Variants in PDE8B observed in about 807,000 individuals in gnomAD.
PDE8B encodes phosphodiesterase 8B, also known as high affinity cAMP-specific and IBMX-insensitive 3',5'-cyclic phosphodiesterase 8B.
In PDE8B, 26 loss-of-function variants were observed where a neutral mutation model predicts 101.3. The observed-to-expected ratio is 0.26, with a 90% CI of 0.19 to 0.36. The LOEUF is 0.36. Among genes scored for constraint, PDE8B ranks in the 10% least tolerant of loss-of-function variants. The pLI, the probability that PDE8B is intolerant of heterozygous loss-of-function variation, is 1.00. For missense variants in PDE8B, 810 were observed against 1,163.1 expected, an observed-to-expected ratio of 0.70 and a Z score of 4.42; for synonymous variants, 424 against 429.3, an observed-to-expected ratio of 0.99 and a Z score of 0.15.
intron 1 of PDE8B, among the ~76,000 whole-genome samples, chr5:77,303,620 T>C (rs1336596126): frequency 1.3e-5 from 2 of 152,104 alleles, no homozygotes; most frequent in Admixed American, 1.3e-4. Flanking sequence ...CACAATATAG[T>C]TGAAGCCCCG....
At chr5:77,358,619 C>A (rs755814739) in intron 10 of PDE8B, among the ~76,000 whole-genome samples, 1 of 152,230 alleles carries the variant, frequency 6.6e-6, no homozygotes, top group Non-Finnish European at 1.5e-5. Flanking sequence ...TCTGTCTTAT[C>A]CCGAATTCTT....
intron 21 of PDE8B, 84 bp downstream of exon 21, chr5:77,425,980 G>C: frequency 7.3e-7 from 1 of 1,372,806 alleles, no homozygotes; most frequent in Non-Finnish European, 1.0e-6. Flanking sequence ...TGAGCCTAAA[G>C]GTAAACAAAA....
chr5:77,408,089 GGTCA>G (rs1793840000), intron 13 of PDE8B, among the ~76,000 whole-genome samples: 1 of 152,202 alleles, frequency 6.6e-6, no homozygotes, highest in Non-Finnish European at 1.5e-5. Context: ...CAAGAGAACA[GGTCA>G]GTTAGGGGGC....
intron 1 of PDE8B, chr5:77,291,365 A>G (rs965447287): frequency 1.9e-4 from 301 of 1,612,008 alleles, no homozygotes; most frequent in Non-Finnish European, 9.5e-5. Flanking sequence ...AAGGTAGCAC[A>G]GTGGTCTATG....
intron 18 of PDE8B, among the ~76,000 whole-genome samples, chr5:77,418,917 C>T (rs541744040): frequency 1.1e-4 from 17 of 152,290 alleles, no homozygotes; most frequent in Admixed American, 1.0e-3. Context: ...AGCAGGTCCT[C>T]TTGCCTCCCA....
intron 10 of PDE8B, among the ~76,000 whole-genome samples, chr5:77,378,049 C>T (rs34465374): frequency 0.29 from 42,450 of 148,398 alleles, 6,234 homozygotes; most frequent in Middle Eastern, 0.37. Context: ...CACACACACA[C>T]CCCCTGTTGG....
Position 77,426,563 on chromosome 5 carries a change from C to G in PDE8B, c.*9C>G. 1.4e-6 allele frequency: 2 copies of G among 1,457,840 alleles called. No homozygotes were observed. The highest frequency in any genetic ancestry group is 1.9e-6 in the Non-Finnish European group (2 of 1,037,876). The allele number at this position is 1,457,840 out of a possible 1,614,324, so 90.3% of individuals were successfully genotyped here. On this transcript the variant is annotated 3_prime_UTR_variant, in exon 22 of 22. Transcript: ENST00000264917. ...TTCCATCTGACAGCTAAAGCCAAGC[C>G]ACAGAGGGGGCCTCTTGACCGACAA...
chr5:77,172,478 C>G, the PDE8B span, among the ~76,000 whole-genome samples: 1 of 152,194 alleles, frequency 6.6e-6, no homozygotes, highest in Non-Finnish European at 1.5e-5. Flanking sequence ...AGCTTCTAAG[C>G]ACTTCTCAGG....
At chr5:77,331,618 G>A (rs547953269) in intron 5 of PDE8B, 159 bp downstream of exon 5, 4 of 710,994 alleles carry the variant, frequency 5.6e-6, no homozygotes, top group South Asian at 1.5e-5. Context: ...GGAAAGTAAC[G>A]AGCAGCTGCC....
At chr5:77,348,378 G>C (rs1030088408) in intron 7 of PDE8B, among the ~76,000 whole-genome samples, 3 of 152,168 alleles carry the variant, frequency 2.0e-5, no homozygotes, top group Non-Finnish European at 2.9e-5. Flanking sequence ...GGACCTGGGA[G>C]TCATCTAGGG....
chr5:77,262,816 A>T (rs1760903220), intron 1 of PDE8B, among the ~76,000 whole-genome samples: 1 of 152,196 alleles, frequency 6.6e-6, no homozygotes, highest in South Asian at 2.1e-4. Context: ...TCTGTGAACC[A>T]CATGACCTGA....
chr5:77,119,488 C>G, the PDE8B span: 1 of 151,800 alleles, frequency 6.6e-6, no homozygotes, highest in Admixed American at 6.6e-5. Flanking sequence ...GAAACCCCGT[C>G]TCTACTAAAA....
chr5:77,095,309 G>C, the PDE8B span, among the ~76,000 whole-genome samples: 495 of 152,274 alleles, frequency 3.3e-3, 26 homozygotes, highest in East Asian at 0.081. Context: ...CTTTGGTCTT[G>C]ACTGGTCTGC....
chr5:77,159,475 C>T, the PDE8B span, among the ~76,000 whole-genome samples: 1 of 152,118 alleles, frequency 6.6e-6, no homozygotes, highest in East Asian at 1.9e-4. Context: ...CCTTAGACTC[C>T]AAGTTCTTCA....
intron 10 of PDE8B, among the ~76,000 whole-genome samples, chr5:77,388,745 G>A (rs893454617): frequency 2.2e-4 from 33 of 152,278 alleles, no homozygotes; most frequent in African/African-American, 7.9e-4. Context: ...TGGGAATGCT[G>A]CCTTTTTTTC....
At chr5:77,424,767 C>T (rs372939858) in intron 20 of PDE8B, among the ~76,000 whole-genome samples, 1 of 152,136 alleles carries the variant, frequency 6.6e-6, no homozygotes, top group African/African-American at 2.4e-5. Context: ...CAATTAATAA[C>T]TCTTACTGCT....
At chr5:77,420,488 G>C (rs940859846) in intron 19 of PDE8B, among the ~76,000 whole-genome samples, 4 of 152,024 alleles carry the variant, frequency 2.6e-5, no homozygotes, top group African/African-American at 9.7e-5. Context: ...CCATGAAGCT[G>C]TTCATAACCC....
At chr5:77,276,673 A>G (rs1425139256) in intron 1 of PDE8B, among the ~76,000 whole-genome samples, 2 of 152,192 alleles carry the variant, frequency 1.3e-5, no homozygotes, top group African/African-American at 4.8e-5. Context: ...TTGCAGTGGA[A>G]TTTTCAGGTA....
In PDE8B at chr5:77,233,654, CTGTGTGTGTGTGTGTGTGTG is replaced by C. The variant is rs72346580; in HGVS notation, c.339+22417_339+22436del. Reference sequence around the variant, plus strand: ...TGACAGCCCCCAACCCCCTGAAGCTCTGTGTGTGTGTGTGTGTGTGTGTGTGTGTGTGTGTGTGTGTGTGT... The same window carrying C: ...TGACAGCCCCCAACCCCCTGAAGCTCTGTGTGTGTGTGTGTGTGTGTGTGT... On this transcript the variant is annotated intron_variant, in intron 1 of 21. Coordinates refer to ENST00000264917, the MANE Select transcript of PDE8B (RefSeq NM_003719.5). Among the ~76,000 whole-genome samples the C allele has an allele frequency of 7.0e-3, 973 of 138,332 alleles. 6 individuals carry two copies. The highest frequency in any genetic ancestry group is 0.018 in the African/African-American group (654 of 37,060). The allele number at this position is 138,332 out of a possible 152,430, so 90.8% of individuals were successfully genotyped here.
Sources: allele counts gnomAD v4.1 joint callset (sites outside exome capture counted in the v4.1 genomes callset), GRCh38; gene constraint gnomAD v4.1.1; transcripts MANE v1.5; gene names NCBI Gene and HGNC (gene_info 2026-07-23, HGNC 2026-07-21).